Variants in NCK1 observed in about 807,000 individuals in gnomAD.
NCK1 encodes the protein NCK adaptor protein 1.
NCK1 carries 19 observed loss-of-function variants against 36.6 expected under a neutral mutation model. The ratio of observed to expected loss-of-function variants is 0.52; its 90% CI spans 0.36 to 0.76. The LOEUF (loss-of-function observed/expected upper bound fraction) is 0.76, where lower values mean the gene tolerates loss of function less well. NCK1 is among the 30% of genes least tolerant of loss of function. NCK1 has a pLI of 0.00. For synonymous variants in NCK1, 165 were observed against 156.0 expected (o/e 1.06, Z -0.43); for missense variants, 358 against 445.6 (o/e 0.80, Z 1.77).
intron 1 of NCK1, chr3:136,899,937 G>T: frequency 1.2e-6 from 1 of 837,160 alleles, no homozygotes; most frequent in Non-Finnish European, 2.1e-6. Context: ...ATTAGGTTTT[G>T]GTTTATCTTG....
intron 1 of NCK1, among the ~76,000 whole-genome samples, chr3:136,864,029 A>G (rs533152090): frequency 6.7e-4 from 102 of 152,010 alleles, no homozygotes; most frequent in African/African-American, 2.3e-3. Context: ...TGAACCCGGG[A>G]GGCGGAGCTT....
chr3:136,896,725 TC>T (rs1398640761), intron 1 of NCK1, among the ~76,000 whole-genome samples: 1 of 152,114 alleles, frequency 6.6e-6, no homozygotes, highest in African/African-American at 2.4e-5. Context: ...GGTCTCAAAT[TC>T]CTGGGCTCAA....
At chr3:136,884,627 G>A (rs1366440254) in intron 1 of NCK1, among the ~76,000 whole-genome samples, 3 of 152,066 alleles carry the variant, frequency 2.0e-5, no homozygotes, top group Non-Finnish European at 4.4e-5. Context: ...TTTTAGTAGA[G>A]ATGGGGTTTC....
Position 136,867,159 on chromosome 3 carries a change from TCCTTCCTTCCTTCCTTCC to T in NCK1, c.-19+4807_-19+4824del, listed in dbSNP as rs1284111170. Reference sequence around the variant, plus strand: ...TTCCTTCCTTCCTTCCTTCCTTCCTTCCTTCCTTCCTTCCTTCCTTCTTTCTTTCTTTTCTTTCTTTTC... The same window carrying T: ...TTCCTTCCTTCCTTCCTTCCTTCCTTTTCTTTCTTTCTTTTCTTTCTTTTC... On this transcript the variant is annotated intron_variant, in intron 1 of 3. Coordinates refer to ENST00000481752, the MANE Select transcript of NCK1 (RefSeq NM_001291999.2). Among the ~76,000 whole-genome samples, 168 of 63,440 alleles carry T rather than the reference TCCTTCCTTCCTTCCTTCC, an allele frequency of 2.6e-3. 24 individuals are homozygous for T. In the East Asian group the frequency reaches 0.13, roughly 49 times the overall value. 41.6% of individuals were successfully genotyped at this position (63,440 alleles called of 152,430 possible).
chr3:136,914,904 A>G (rs899885761), intron 1 of NCK1, among the ~76,000 whole-genome samples: 1 of 152,170 alleles, frequency 6.6e-6, no homozygotes, highest in Middle Eastern at 3.2e-3. Context: ...AGTTCTCACT[A>G]TATTAGTTCC....
intron 2 of NCK1, among the ~76,000 whole-genome samples, chr3:136,931,120 T>G (rs994318174): frequency 3.9e-5 from 6 of 152,058 alleles, no homozygotes; most frequent in African/African-American, 1.4e-4. Flanking sequence ...TTGATTAATG[T>G]GAGATTTGAT....
Position 136,948,276 on chromosome 3 carries a change from A to C in NCK1, c.957A>C (p.Val319=). 6.3e-7 allele frequency: 1 copy of C among 1,596,370 alleles called. No homozygotes were observed. Among genetic ancestry groups the C allele is most frequent in the East Asian group, 2.2e-5 (1 of 44,678 alleles). The change falls in exon 4 of 4, where the codon GTA becomes GTC. Residue 319 remains valine, a synonymous_variant. Transcript: ENST00000481752. ...DSESSPNDFS[V]SLKAQGKNKH... ...TCTTTTAGCCAAATGATTTCTCAGT[A>C]TCACTAAAAGCACAAGGGAAAAACA... is the stretch of plus-strand genomic sequence containing the variant.
intron 1 of NCK1, among the ~76,000 whole-genome samples, chr3:136,919,159 C>A (rs1329030577): frequency 1.3e-5 from 2 of 151,968 alleles, no homozygotes; most frequent in Non-Finnish European, 2.9e-5. Context: ...GAAAATAGAT[C>A]AATAGTTGTC....
At chr3:136,901,267 A>AT (rs543590536) in intron 1 of NCK1, among the ~76,000 whole-genome samples, 11,624 of 112,828 alleles carry the variant, frequency 0.1, 467 homozygotes, top group Non-Finnish European at 0.12. Context: ...ATTGTGGTGT[A>AT]TTTTTTTTTT....
chr3:136,916,370 C>T (rs758881659), intron 1 of NCK1, among the ~76,000 whole-genome samples: 3 of 152,132 alleles, frequency 2.0e-5, no homozygotes, highest in South Asian at 2.1e-4. Context: ...CAGGTTAACA[C>T]AGGTTTTATG....
chr3:136,930,327 G>C (rs766245769), intron 2 of NCK1: 2 of 496,540 alleles, frequency 4.0e-6, no homozygotes, highest in South Asian at 2.1e-4. Context: ...TGAATAATAA[G>C]GTCATATTTT....
At chr3:136,864,218 C>G in intron 1 of NCK1, among the ~76,000 whole-genome samples, 1 of 152,060 alleles carries the variant, frequency 6.6e-6, no homozygotes, top group East Asian at 1.9e-4. Flanking sequence ...GTTGGCCGGG[C>G]TCGGTGGCTC....
intron 1 of NCK1, among the ~76,000 whole-genome samples, chr3:136,902,904 G>A (rs1240418291): frequency 6.6e-6 from 1 of 152,210 alleles, no homozygotes; most frequent in Non-Finnish European, 1.5e-5. Flanking sequence ...GCATCCACCT[G>A]TGAAGTAGGG....
At chr3:136,932,118 C>CAAAAA (rs1288026754) in intron 2 of NCK1, among the ~76,000 whole-genome samples, 1 of 59,304 alleles carries the variant, frequency 1.7e-5, no homozygotes. Flanking sequence ...GACTCCATCT[C>CAAAAA]AAAAAAAAAA....
chr3:136,948,155 T>G (rs2108156978), intron 3 of NCK1, 104 bp from the exon 4 acceptor site: 2 of 837,918 alleles, frequency 2.4e-6, no homozygotes, highest in East Asian at 5.5e-5. Flanking sequence ...CCATGGTGCC[T>G]AGGACTTAGT....
intron 2 of NCK1, chr3:136,930,605 CTGTT>C: frequency 6.9e-7 from 1 of 1,452,514 alleles, no homozygotes; most frequent in Non-Finnish European, 9.1e-7. Flanking sequence ...GTAAGTTAAT[CTGTT>C]TATTAAATCC....
At chr3:136,893,272 A>G (rs1481048962) in intron 1 of NCK1, among the ~76,000 whole-genome samples, 2 of 150,478 alleles carry the variant, frequency 1.3e-5, no homozygotes, top group African/African-American at 2.4e-5. Flanking sequence ...TGCTCGATCT[A>G]CTTTCAGTTC....
intron 1 of NCK1, among the ~76,000 whole-genome samples, chr3:136,917,698 C>T (rs1940004694): frequency 6.6e-6 from 1 of 152,202 alleles, no homozygotes; most frequent in Non-Finnish European, 1.5e-5. Flanking sequence ...GTTCTCTCTC[C>T]TTAGGTAAAG....
At chr3:136,922,357 A>T (rs1262959682) in intron 1 of NCK1, among the ~76,000 whole-genome samples, 1 of 152,196 alleles carries the variant, frequency 6.6e-6, no homozygotes, top group Non-Finnish European at 1.5e-5. Flanking sequence ...AAAGGGACAG[A>T]GAAAGGATTT....
Sources: gnomAD v4.1 joint callset for allele counts (sites outside exome capture counted in the v4.1 genomes callset) on GRCh38, gnomAD v4.1.1 for gene constraint, MANE v1.5 for transcripts, NCBI Gene and HGNC (gene_info 2026-07-23, HGNC 2026-07-21) for gene names.